The following CWC27 variants were observed in gnomAD, a reference collection of about 807,000 sequenced individuals.
The protein encoded by CWC27 is spliceosome-associated protein CWC27 homolog.
In CWC27, 47 loss-of-function variants were observed where a neutral mutation model predicts 63.6. The ratio of observed to expected loss-of-function variants is 0.74; its 90% CI spans 0.58 to 0.94. The LOEUF (loss-of-function observed/expected upper bound fraction) is 0.94, where lower values mean the gene tolerates loss of function less well. CWC27 is among the 40% of genes least tolerant of loss of function. CWC27 has a pLI of 0.00. For missense variants in CWC27, 495 were observed against 554.3 expected (o/e 0.89, Z 1.07); for synonymous variants, 175 against 179.8 (o/e 0.97, Z 0.22).
At chr5:64,822,640 C>G (rs1745236004) in intron 10 of CWC27, among the ~76,000 whole-genome samples, 1 of 152,064 alleles carries the variant, frequency 6.6e-6, no homozygotes, top group Admixed American at 6.6e-5. Flanking sequence ...ATTTACCTTC[C>G]TGTATAATAA....
At chr5:64,981,000 G>A (rs1167433007) in intron 13 of CWC27, among the ~76,000 whole-genome samples, 5 of 152,102 alleles carry the variant, frequency 3.3e-5, no homozygotes, top group Admixed American at 3.3e-4. Context: ...GCTGAGGCAC[G>A]AGAATCGCTT....
chr5:64,963,223 A>G, intron 11 of CWC27, among the ~76,000 whole-genome samples: 1 of 152,144 alleles, frequency 6.6e-6, no homozygotes, highest in East Asian at 1.9e-4. Context: ...CCGCCTCCCA[A>G]AGTGCTCAGA....
intron 11 of CWC27, among the ~76,000 whole-genome samples, chr5:64,921,357 C>T (rs1372576973): frequency 6.6e-6 from 1 of 151,840 alleles, no homozygotes; most frequent in Non-Finnish European, 1.5e-5. Flanking sequence ...GCCTAGCTTG[C>T]GGTCAGTCTT....
At chr5:64,782,124 C>A in intron 3 of CWC27, 91 bp downstream of exon 3, 2 of 655,770 alleles carry the variant, frequency 3.0e-6, no homozygotes, top group South Asian at 6.0e-5. Flanking sequence ...TGATTGTGTT[C>A]CACAAGAGGA....
intron 1 of CWC27, among the ~76,000 whole-genome samples, chr5:64,773,402 A>G (rs545380777): frequency 6.6e-6 from 1 of 152,196 alleles, no homozygotes; most frequent in South Asian, 2.1e-4. Context: ...AATGTTTAAT[A>G]GGCAAATCTA....
At chr5:64,812,236 G>C (rs1744898241) in intron 10 of CWC27, among the ~76,000 whole-genome samples, 1 of 151,866 alleles carries the variant, frequency 6.6e-6, no homozygotes, top group Non-Finnish European at 1.5e-5. Context: ...AAAAAAAACA[G>C]GTTAGTAACA....
chr5:64,832,038 A>T (rs1460149750), intron 10 of CWC27, among the ~76,000 whole-genome samples: 1 of 151,934 alleles, frequency 6.6e-6, no homozygotes, highest in African/African-American at 2.4e-5. Flanking sequence ...ACCAAAACTC[A>T]ACAAGTAGTA....
At chr5:64,860,818 C>T (rs1746388361) in intron 10 of CWC27, among the ~76,000 whole-genome samples, 1 of 152,122 alleles carries the variant, frequency 6.6e-6, no homozygotes, top group Non-Finnish European at 1.5e-5. Flanking sequence ...AGTTGATAAA[C>T]TGTGAGTGCT....
chr5:64,772,470 CA>C (rs1039759369), intron 1 of CWC27, among the ~76,000 whole-genome samples: 9 of 148,792 alleles, frequency 6.0e-5, no homozygotes, highest in African/African-American at 2.2e-4. Flanking sequence ...AAAAAAAATG[CA>C]AAAAAAGTAG....
At chr5:64,861,547 A>T (rs942965718) in intron 10 of CWC27, among the ~76,000 whole-genome samples, 3 of 152,204 alleles carry the variant, frequency 2.0e-5, no homozygotes, top group African/African-American at 7.2e-5. Context: ...TTCTGTGTTC[A>T]TATCAGGTAC....
At chr5:64,992,566 C>G (rs2112459454) in intron 13 of CWC27, among the ~76,000 whole-genome samples, 1 of 151,344 alleles carries the variant, frequency 6.6e-6, no homozygotes, top group South Asian at 2.1e-4. Context: ...GAGTATCGCT[C>G]TGTTGCCCAG....
chr5:64,949,915 G>C (rs577622861), intron 11 of CWC27, among the ~76,000 whole-genome samples: 1 of 151,904 alleles, frequency 6.6e-6, no homozygotes, highest in African/African-American at 2.4e-5. Flanking sequence ...AAGCCCAGGG[G>C]CTGAAACCCA....
intron 6 of CWC27, among the ~76,000 whole-genome samples, chr5:64,787,046 CTT>C (rs1561406305): frequency 6.6e-6 from 1 of 152,124 alleles, no homozygotes; most frequent in Non-Finnish European, 1.5e-5. Flanking sequence ...CTGTCAAACA[CTT>C]ATAAAACCAT....
At chr5:65,003,963 G>A (rs1219963049) in intron 13 of CWC27, among the ~76,000 whole-genome samples, 2 of 151,788 alleles carry the variant, frequency 1.3e-5, no homozygotes, top group African/African-American at 4.8e-5. Flanking sequence ...TCGTACTTCA[G>A]CCTCCCAAGT....
chr5:65,007,665 T>C (rs528548311), intron 13 of CWC27, among the ~76,000 whole-genome samples: 185 of 140,890 alleles, frequency 1.3e-3, no homozygotes, highest in African/African-American at 4.5e-3. Context: ...TCTCGCTCTG[T>C]CCCCCAGGCT....
Position 64,831,475 on chromosome 5 carries a change from GAGAT to G in CWC27, c.938+27125_938+27128del, listed in dbSNP as rs3075244. On this transcript the variant is annotated intron_variant, in intron 10 of 13. Coordinates refer to ENST00000381070, the MANE Select transcript of CWC27 (RefSeq NM_005869.4). ...GACTCCAAAAAGCTTTTATTTATTT[GAGAT>G]AGATAGATAGATAGATAGATAGATA... Among the ~76,000 whole-genome samples the G allele has an allele frequency of 7.7e-3, 1,139 of 148,308 alleles. 5 individuals are homozygous for G. The highest frequency in any genetic ancestry group is 0.017 in the South Asian group (79 of 4,642).
At chr5:64,934,875 A>T (rs189749994) in intron 11 of CWC27, among the ~76,000 whole-genome samples, 4 of 151,952 alleles carry the variant, frequency 2.6e-5, no homozygotes, top group Admixed American at 2.6e-4. Context: ...TTTTTTTCAT[A>T]TGTTTGTTGT....
At chr5:65,004,991 C>T (rs1249112460) in intron 13 of CWC27, among the ~76,000 whole-genome samples, 4 of 146,752 alleles carry the variant, frequency 2.7e-5, no homozygotes, top group South Asian at 2.2e-4. Context: ...GTAGTATAGA[C>T]TTCTTAGCCT....
At chr5:64,770,888 A>G (rs890760181) in intron 1 of CWC27, among the ~76,000 whole-genome samples, 4 of 152,232 alleles carry the variant, frequency 2.6e-5, no homozygotes, top group Non-Finnish European at 5.9e-5. Flanking sequence ...TTTAACAAGG[A>G]TACATTCCTG....
Sources: allele counts gnomAD v4.1 joint callset (sites outside exome capture counted in the v4.1 genomes callset), GRCh38; gene constraint gnomAD v4.1.1; transcripts MANE v1.5; gene names NCBI Gene and HGNC (gene_info 2026-07-23, HGNC 2026-07-21).